MBOAT2: variants seen among roughly 807,000 people sequenced by gnomAD.
MBOAT2 encodes membrane-bound glycerophospholipid O-acyltransferase 2.
A neutral mutation model predicts 63.4 loss-of-function variants in MBOAT2; 28 were observed. The ratio of observed to expected loss-of-function variants is 0.44; its 90% confidence interval spans 0.33 to 0.61. The LOEUF is 0.61. Among genes scored for constraint, MBOAT2 ranks in the 20% least tolerant of loss-of-function variants. The pLI, the probability that MBOAT2 is intolerant of heterozygous loss-of-function variation, is 0.03. For missense variants in MBOAT2, 470 were observed against 605.8 expected, an observed-to-expected ratio of 0.78 and a Z score of 2.35; for synonymous variants, 211 against 215.6, an observed-to-expected ratio of 0.98 and a Z score of 0.19.
intron 2 of MBOAT2, among the ~76,000 whole-genome samples, chr2:8,958,190 G>C (rs968461580): frequency 3.3e-5 from 5 of 152,122 alleles, no homozygotes; most frequent in African/African-American, 1.2e-4. Context: ...TTTTCTGTCA[G>C]TATAAAAGAT....
At chr2:8,954,030 C>T (rs1309764400) in intron 2 of MBOAT2, among the ~76,000 whole-genome samples, 2 of 152,222 alleles carry the variant, frequency 1.3e-5, no homozygotes, top group African/African-American at 4.8e-5. Context: ...GATGCTGGCA[C>T]TTCTAATTTT....
At chr2:8,948,701 C>T (rs1261775184) in intron 2 of MBOAT2, among the ~76,000 whole-genome samples, 1 of 152,192 alleles carries the variant, frequency 6.6e-6, no homozygotes, top group Admixed American at 6.5e-5. Flanking sequence ...TGTGGTATTC[C>T]ATGGTGTATA....
At chr2:8,863,028 G>A (rs1239767473) in intron 10 of MBOAT2, among the ~76,000 whole-genome samples, 2 of 151,854 alleles carry the variant, frequency 1.3e-5, no homozygotes, top group African/African-American at 2.4e-5. Context: ...AAAGAGTAAG[G>A]TTGCTTTTAT....
At chr2:8,989,429 G>C (rs1293120353) in intron 1 of MBOAT2, among the ~76,000 whole-genome samples, 1 of 151,920 alleles carries the variant, frequency 6.6e-6, no homozygotes, top group African/African-American at 2.4e-5. Flanking sequence ...AACAATAGAG[G>C]CAAAAAAAAT....
intron 4 of MBOAT2, among the ~76,000 whole-genome samples, chr2:8,891,811 C>G (rs573443571): frequency 6.6e-6 from 1 of 152,262 alleles, no homozygotes; most frequent in South Asian, 2.1e-4. Context: ...CAGGATGGAG[C>G]TTCCGTTTCC....
chr2:8,882,588 C>T, intron 5 of MBOAT2, 23 bp from the exon 6 acceptor site: 1 of 1,612,844 alleles, frequency 6.2e-7, no homozygotes, highest in Non-Finnish European at 8.5e-7. Flanking sequence ...AATAGGTACT[C>T]ATCAATTAAG....
At chr2:8,995,835 C>T (rs1295564147) in intron 1 of MBOAT2, among the ~76,000 whole-genome samples, 1 of 152,206 alleles carries the variant, frequency 6.6e-6, no homozygotes, top group Non-Finnish European at 1.5e-5. Context: ...TTGTGATCCG[C>T]CCGCCTCGGC....
chr2:9,002,451 C>A (rs560648917), intron 1 of MBOAT2, among the ~76,000 whole-genome samples: 1 of 152,230 alleles, frequency 6.6e-6, no homozygotes. Flanking sequence ...TCCCTGAAGA[C>A]TAAATGACAG....
In MBOAT2 at chr2:8,870,775, TTAAATA is replaced by T. The variant is rs1662256897; in HGVS notation, c.884-2232_884-2227del. 2.0e-5 allele frequency among the ~76,000 whole-genome samples: 3 copies of T among 152,338 alleles called. No homozygotes were observed. In the South Asian group the frequency reaches 6.2e-4, roughly 32 times the overall value. ...TACAGCTAAAAATTCTTTAAATTCT[TTAAATA>T]TAGTTCAATTTCAAATTGTCATTCA... On this transcript the variant is annotated intron_variant, in intron 8 of 12. Transcript: ENST00000305997.
chr2:8,963,909 G>A (rs562461827), intron 1 of MBOAT2, among the ~76,000 whole-genome samples: 18 of 152,216 alleles, frequency 1.2e-4, no homozygotes, highest in East Asian at 7.7e-4. Context: ...GCAGTGCAGC[G>A]CACTGTGCTT....
At chr2:8,883,372 G>A (rs1663289293) in intron 5 of MBOAT2, among the ~76,000 whole-genome samples, 1 of 152,012 alleles carries the variant, frequency 6.6e-6, no homozygotes, top group Non-Finnish European at 1.5e-5. Flanking sequence ...ATCATTACAT[G>A]TACATTAAAA....
chr2:8,868,648 CA>C, intron 8 of MBOAT2, 99 bp from the exon 9 acceptor site: 2 of 922,054 alleles, frequency 2.2e-6, no homozygotes, highest in South Asian at 3.4e-5. Context: ...TATTCTTAAA[CA>C]GTAAAAGTAG....
intron 1 of MBOAT2, among the ~76,000 whole-genome samples, chr2:8,962,988 A>T (rs866078938): frequency 6.6e-6 from 1 of 152,132 alleles, no homozygotes; most frequent in Non-Finnish European, 1.5e-5. Context: ...CCTACCTACA[A>T]TCCCAACACT....
chr2:8,884,220 A>G (rs970337032), intron 5 of MBOAT2, among the ~76,000 whole-genome samples: 32 of 149,318 alleles, frequency 2.1e-4, no homozygotes, highest in Middle Eastern at 3.5e-3. Flanking sequence ...AAAAAAAAAA[A>G]GTCTGGCTCT....
chr2:8,922,752 G>A (rs901644134), intron 3 of MBOAT2, among the ~76,000 whole-genome samples: 2 of 152,206 alleles, frequency 1.3e-5, no homozygotes, highest in East Asian at 1.9e-4. Context: ...CCTCCTCTGT[G>A]CTGAGATGCA....
Position 8,891,214 on chromosome 2 carries a change from G to C in MBOAT2, c.396-3141C>G, listed in dbSNP as rs906158406. On this transcript the variant is annotated intron_variant, in intron 4 of 12. Transcript: ENST00000305997. Reference sequence around the variant, plus strand: ...CCCATCAGCCGGTGCGTAGCACATGGAGAAACAGAAAGACAGAAGACAAAA... The same window carrying C: ...CCCATCAGCCGGTGCGTAGCACATGCAGAAACAGAAAGACAGAAGACAAAA... Among the ~76,000 whole-genome samples, 4 of 152,354 alleles carry C rather than the reference G, an allele frequency of 2.6e-5. No individual in the cohort carries two copies. The South Asian group carries it at 6.2e-4, about 24-fold the overall frequency.
At chr2:8,961,004 C>T (rs866197272) in intron 1 of MBOAT2, among the ~76,000 whole-genome samples, 1 of 152,196 alleles carries the variant, frequency 6.6e-6, no homozygotes, top group Non-Finnish European at 1.5e-5. Flanking sequence ...GAAGTGAGGG[C>T]TTTGTATGCC....
rs537562817 is a variant in MBOAT2, at chr2:8,963,302, GA to G, written c.76-4661del. On this transcript the variant is annotated intron_variant, in intron 1 of 12. Coordinates refer to ENST00000305997, the MANE Select transcript of MBOAT2 (RefSeq NM_138799.4). The stretch of plus-strand genomic sequence containing the variant: ...AAAACTAACCCGAAAGTCACAAAAA[GA>G]AACTAATTTTTTTTTCTTTGAGACA... Among the ~76,000 whole-genome samples, 204 of 152,042 alleles carry G rather than the reference GA, an allele frequency of 1.3e-3. 1 individual carries two copies. The highest frequency in any genetic ancestry group is 4.7e-3 in the African/African-American group (194 of 41,470).
At chr2:8,954,326 C>A (rs1042655476) in intron 2 of MBOAT2, among the ~76,000 whole-genome samples, 4 of 152,158 alleles carry the variant, frequency 2.6e-5, no homozygotes, top group African/African-American at 9.7e-5. Flanking sequence ...CTGGCAGAAG[C>A]TCTCTATTGC....
Sources: allele counts gnomAD v4.1 joint callset (sites outside exome capture counted in the v4.1 genomes callset), GRCh38; gene constraint gnomAD v4.1.1; transcripts MANE v1.5; gene names NCBI Gene and HGNC (gene_info 2026-07-23, HGNC 2026-07-21).